Variants in SLC16A10 observed in about 807,000 individuals in gnomAD.
SLC16A10 encodes monocarboxylate transporter 10.
SLC16A10 carries 27 observed loss-of-function variants against 40.0 expected under a neutral mutation model. The observed-to-expected ratio is 0.67, with a 90% confidence interval of 0.50 to 0.93. SLC16A10 has a LOEUF of 0.93. Ranked by LOEUF, SLC16A10 falls within the 40% of genes least tolerant of loss-of-function variation. The probability of loss-of-function intolerance (pLI) is 0.00; values close to 1 mark genes in which losing one functional copy is unlikely to be tolerated. For synonymous variants in SLC16A10, 213 were observed against 249.8 expected (o/e 0.85, Z 1.39); for missense variants, 529 against 658.2 (o/e 0.80, Z 2.15).
chr6:111,129,970 C>G (rs183547333), intron 1 of SLC16A10, among the ~76,000 whole-genome samples: 40 of 152,150 alleles, frequency 2.6e-4, no homozygotes, highest in Middle Eastern at 6.8e-3. Flanking sequence ...AATCCAAAAT[C>G]CTGAGAAAAT....
At chr6:111,113,014 A>G (rs1020309986) in intron 1 of SLC16A10, among the ~76,000 whole-genome samples, 1 of 152,254 alleles carries the variant, frequency 6.6e-6, no homozygotes, top group African/African-American at 2.4e-5. Flanking sequence ...AGAAAAACCA[A>G]TAAAATGATT....
chr6:111,118,025 A>G (rs1436095834), intron 1 of SLC16A10, among the ~76,000 whole-genome samples: 2 of 152,226 alleles, frequency 1.3e-5, no homozygotes. Flanking sequence ...AAGTTATAGA[A>G]TTTTTAAAAA....
At chr6:111,217,594 C>T (rs1442920254) in intron 4 of SLC16A10, among the ~76,000 whole-genome samples, 2 of 152,008 alleles carry the variant, frequency 1.3e-5, no homozygotes, top group Non-Finnish European at 2.9e-5. Flanking sequence ...GGATTACAGG[C>T]GCCGGCCACC....
Position 111,146,634 on chromosome 6 carries a change from G to A in SLC16A10, c.344-26061G>A, listed in dbSNP as rs1026225047. On this transcript the variant is annotated intron_variant, in intron 1 of 5. Transcript: ENST00000368851. ...CGCCTGTAGTCCCAGCTACTCGGGA[G>A]GCTGAGGCAGGAGAATGTCGTGAAC... Among the ~76,000 whole-genome samples, 9 of 152,246 alleles carry A rather than the reference G, an allele frequency of 5.9e-5. No individual in the cohort carries two copies. The South Asian group carries it at 1.9e-3, about 32-fold the overall frequency.
chr6:111,195,305 G>A (rs1015529930), intron 3 of SLC16A10, among the ~76,000 whole-genome samples: 1 of 152,144 alleles, frequency 6.6e-6, no homozygotes. Flanking sequence ...GTATGGTTCC[G>A]CTTAGATGAG....
chr6:111,199,209 C>T (rs1773125784), intron 3 of SLC16A10, among the ~76,000 whole-genome samples: 1 of 152,152 alleles, frequency 6.6e-6, no homozygotes, highest in African/African-American at 2.4e-5. Flanking sequence ...CCAGTAGTCC[C>T]AGCGCTTTGG....
At chr6:111,212,830 T>C (rs1349952915) in intron 4 of SLC16A10, among the ~76,000 whole-genome samples, 1 of 151,444 alleles carries the variant, frequency 6.6e-6, no homozygotes, top group Admixed American at 6.6e-5. Context: ...CTGAGTCAAG[T>C]CTACTGCTCC....
At chr6:111,197,063 T>A (rs1773090989) in intron 3 of SLC16A10, among the ~76,000 whole-genome samples, 1 of 152,202 alleles carries the variant, frequency 6.6e-6, no homozygotes, top group Non-Finnish European at 1.5e-5. Flanking sequence ...GGAAAGCTGA[T>A]CTAGGCCTAC....
intron 3 of SLC16A10, among the ~76,000 whole-genome samples, chr6:111,179,979 A>G (rs115098996): frequency 0.013 from 1,986 of 152,352 alleles, 45 homozygotes; most frequent in African/African-American, 0.046. Context: ...CTCCTTATAC[A>G]GGGAAAAGGT....
chr6:111,123,833 T>G (rs1771624373), intron 1 of SLC16A10, among the ~76,000 whole-genome samples: 1 of 152,158 alleles, frequency 6.6e-6, no homozygotes, highest in Non-Finnish European at 1.5e-5. Context: ...AGTGCTGATA[T>G]TCATCAGAAA....
chr6:111,201,740 A>G (rs937567510), intron 3 of SLC16A10, among the ~76,000 whole-genome samples: 5 of 152,232 alleles, frequency 3.3e-5, no homozygotes, highest in African/African-American at 4.8e-5. Flanking sequence ...TTTTTGATTA[A>G]TGGCATCCTT....
At position 111,101,671 on chromosome 6, in the gene SLC16A10, G is replaced by A. The variant is rs558337964; in HGVS notation, c.343+13576G>A. ...AGAGTCTTGCTGTGTTGCTCAGGCTGGAGTGCCATGGCACGATCACGGCTC... is the reference window on the plus strand; with the variant it reads ...AGAGTCTTGCTGTGTTGCTCAGGCTAGAGTGCCATGGCACGATCACGGCTC... On this transcript the variant is annotated intron_variant, in intron 1 of 5. Transcript: ENST00000368851. Among the ~76,000 whole-genome samples, 7 of 152,260 alleles carry A rather than the reference G, an allele frequency of 4.6e-5. No homozygotes were observed. The South Asian group carries it at 8.3e-4, about 18-fold the overall frequency.
At chr6:111,174,015 C>CGGAT (rs1772633875) in intron 2 of SLC16A10, among the ~76,000 whole-genome samples, 1 of 152,144 alleles carries the variant, frequency 6.6e-6, no homozygotes, top group Admixed American at 6.5e-5. Flanking sequence ...CTGTAAGGAA[C>CGGAT]GGATGGGCAC....
intron 1 of SLC16A10, among the ~76,000 whole-genome samples, chr6:111,141,102 A>G (rs1343348533): frequency 1.3e-5 from 2 of 152,216 alleles, no homozygotes; most frequent in South Asian, 2.1e-4. Flanking sequence ...ACATAATTCA[A>G]TTATTTAATA....
chr6:111,098,813 G>A (rs1771122925), intron 1 of SLC16A10, among the ~76,000 whole-genome samples: 1 of 152,202 alleles, frequency 6.6e-6, no homozygotes, highest in South Asian at 2.1e-4. Context: ...TGTGAATGGG[G>A]CAGGAAGTTG....
chr6:111,201,182 G>T (rs1015400585), intron 3 of SLC16A10, among the ~76,000 whole-genome samples: 2 of 152,150 alleles, frequency 1.3e-5, no homozygotes, highest in African/African-American at 4.8e-5. Flanking sequence ...TGATGAGGAA[G>T]GACAGAGATG....
intron 3 of SLC16A10, among the ~76,000 whole-genome samples, chr6:111,194,700 T>C (rs1472694328): frequency 6.6e-6 from 1 of 152,214 alleles, no homozygotes; most frequent in Non-Finnish European, 1.5e-5. Context: ...TTGTTATCTC[T>C]GCTTCTGTGA....
chr6:111,173,088 GA>G (rs1477896499), intron 2 of SLC16A10, among the ~76,000 whole-genome samples: 1 of 152,052 alleles, frequency 6.6e-6, no homozygotes, highest in Non-Finnish European at 1.5e-5. Context: ...TTGGTGCATG[GA>G]AAAATGTTTC....
rs186581184 is a variant in SLC16A10 at position 111,144,360 on chromosome 6, T to A, written c.344-28335T>A. Among the ~76,000 whole-genome samples, 256 of 152,204 alleles carry A rather than the reference T, an allele frequency of 1.7e-3. 1 individual carries two copies. The highest frequency in any genetic ancestry group is 5.9e-3 in the African/African-American group (245 of 41,532). On this transcript the variant is annotated intron_variant, in intron 1 of 5. Transcript: ENST00000368851. ...CTGGGACTACAGGCACACGCTGCTA[T>A]GCCCGGCTAATTTTTTGTATTTTTA... is the stretch of plus-strand genomic sequence containing the variant.
Sources: allele counts gnomAD v4.1 joint callset (sites outside exome capture counted in the v4.1 genomes callset), GRCh38; gene constraint gnomAD v4.1.1; transcripts MANE v1.5; gene names NCBI Gene and HGNC (gene_info 2026-07-23, HGNC 2026-07-21).